Variants in ZFTA observed in about 807,000 individuals in gnomAD.
ZFTA encodes the protein zinc finger translocation associated.
In ZFTA, 35 loss-of-function variants were observed where a neutral mutation model predicts 41.8. That is an observed-to-expected ratio of 0.84 (90% CI 0.64 to 1.11). The LOEUF is 1.11. ZFTA is among the 50% of genes most tolerant of loss of function. ZFTA has a pLI of 0.00. For synonymous variants in ZFTA, 514 were observed against 436.4 expected (o/e 1.18, Z -2.22); for missense variants, 964 against 989.8 (o/e 0.97, Z 0.35).
In ZFTA at chr11:63,764,145, G is replaced by T; in HGVS notation, c.1478C>A (p.Pro493His). ...GGGGCCCTGGGGGGACTCGGGGCGG[G>T]GCGGCCCCAGGGCCAGCAGGTGGGC... Reference protein sequence around the residue: ...KAAHLLALGPPRPESPQGPIP... With the variant: ...KAAHLLALGPHRPESPQGPIP... The change falls in exon 4 of 5, where the codon CCC becomes CAC. Residue 493 changes from proline to histidine, a missense_variant. Coordinates refer to ENST00000433688, the MANE Select transcript of ZFTA (RefSeq NM_001144936.2). 7.4e-7 allele frequency: 1 copy of T among 1,353,010 alleles called. No individual in the cohort carries two copies. The highest frequency in any genetic ancestry group is 9.4e-7 in the Non-Finnish European group (1 of 1,059,034). The allele number at this position is 1,353,010 out of a possible 1,614,324, so 83.8% of individuals were successfully genotyped here. A position where few individuals can be genotyped will look rare whatever the true frequency, so the allele number is the denominator to read the frequency against.
At position 63,768,571 on chromosome 11, in the gene ZFTA, GGCCGCCCCT is replaced by G. The variant is rs896852310; in HGVS notation, c.43_51del (p.Arg15_Gly17del). On this transcript the variant is annotated inframe_deletion, in exon 1 of 5. Transcript: ENST00000433688. The stretch of plus-strand genomic sequence containing the variant: ...CGTGCCGAGGCCACTGCTGGCCCGG[GGCCGCCCCT>G]GCCGCCGCTGCTCCGGCTCCGGTGG... 1.4e-5 allele frequency: 15 copies of G among 1,066,682 alleles called. No individual in the cohort carries two copies. In the East Asian group the frequency reaches 4.7e-4, roughly 34 times the overall value. The allele number at this position is 1,066,682 out of a possible 1,614,324, so 66.1% of individuals were successfully genotyped here.
Position 63,764,222 on chromosome 11 carries a change from G to A in ZFTA, c.1401C>T (p.Arg467=). 2.8e-6 allele frequency: 4 copies of A among 1,430,278 alleles called. No individual in the cohort carries two copies. Among genetic ancestry groups the A allele is most frequent in the East Asian group, 3.0e-5 (1 of 33,666 alleles). The allele number at this position is 1,430,278 out of a possible 1,614,324, so 88.6% of individuals were successfully genotyped here. The change falls in exon 4 of 5, where the codon CGC becomes CGT. Residue 467 remains arginine (R), a synonymous_variant. Coordinates refer to ENST00000433688, the MANE Select transcript of ZFTA (RefSeq NM_001144936.2). ...TGAGGGCCTGGACAGGCCCGCCGAG[G>A]CGCGTGGAGCCCGGGTGGCGCCGGC... ...HIRRRHPGST[R]LGGPVQALIA...
chr11:63,763,379 C>A lies in ZFTA; in HGVS notation c.*39G>T, dbSNP rs1216219265. The A allele has an allele frequency of 7.4e-6, 9 of 1,217,448 alleles. No individual in the cohort carries two copies. The African/African-American group carries it at 8.2e-5, about 11-fold the overall frequency. 75.4% of individuals were successfully genotyped at this position (1,217,448 alleles called of 1,614,324 possible). A position where few individuals can be genotyped will look rare whatever the true frequency, so the allele number is the denominator to read the frequency against. On this transcript the variant is annotated 3_prime_UTR_variant, in exon 5 of 5. Transcript: ENST00000433688. ...GAGCACAGGGCGGGGCGGGGCCGAT[C>A]CGACCCGACCCGACCTGACCCGGGG...
At position 63,764,488 on chromosome 11, in the gene ZFTA, C is replaced by T. The variant is rs2014711919; in HGVS notation, c.1135G>A (p.Gly379Ser). 4.8e-6 allele frequency: 6 copies of T among 1,259,288 alleles called. No homozygotes were observed. Among genetic ancestry groups the T allele is most frequent in the African/African-American group, 1.5e-5 (1 of 64,526 alleles). 78.0% of individuals were successfully genotyped at this position (1,259,288 alleles called of 1,614,324 possible). ...GGCCCGGGCCTCTCAGGGACCCAGCCAGCCTCTTCCTTTACGTCTGGGGGG... is the reference window on the plus strand; with the variant it reads ...GGCCCGGGCCTCTCAGGGACCCAGCTAGCCTCTTCCTTTACGTCTGGGGGG... ...LSPPDVKEEA[G>S]WVPERPGPAE... Residue 379 changes from glycine (G) to serine (S), a missense_variant, in exon 4 of 5, where the codon GGC (glycine) becomes AGC (serine). This residue lies in a region of ZFTA where 584 missense variants were observed against 523.1 expected (regional missense o/e 1.12). Coordinates refer to ENST00000433688, the MANE Select transcript of ZFTA (RefSeq NM_001144936.2).
In ZFTA at chr11:63,764,274, T is replaced by A; in HGVS notation, c.1349A>T (p.Lys450Met). 6.8e-7 allele frequency: 1 copy of A among 1,461,448 alleles called. No homozygotes were observed. The highest frequency in any genetic ancestry group is 9.0e-7 in the Non-Finnish European group (1 of 1,114,276). The allele number at this position is 1,461,448 out of a possible 1,614,324, so 90.5% of individuals were successfully genotyped here. A position where few individuals can be genotyped will look rare whatever the true frequency, so the allele number is the denominator to read the frequency against. The change falls in exon 4 of 5, where the codon AAG (lysine) becomes ATG (methionine). Residue 450 changes from lysine (K) to methionine (M), a missense_variant. Lys to Met is a moderately conservative substitution (Grantham distance 95). This residue lies in a region of ZFTA where 584 missense variants were observed against 523.1 expected (regional missense o/e 1.12). Coordinates refer to ENST00000433688, the MANE Select transcript of ZFTA (RefSeq NM_001144936.2). ...GVCGGALASLKMSTIERHIRR... is the reference protein window; with the variant it reads ...GVCGGALASLMMSTIERHIRR... ...GATGTGGCGCTCGATGGTGCTCATCTTGAGCGAGGCCAGCGCGCCCCCGCA... is the reference window on the plus strand; with the variant it reads ...GATGTGGCGCTCGATGGTGCTCATCATGAGCGAGGCCAGCGCGCCCCCGCA...
Position 63,765,096 on chromosome 11 carries a change from T to C in ZFTA, c.796A>G (p.Asn266Asp), listed in dbSNP as rs1305533998. The C allele has an allele frequency of 2.6e-6, 4 of 1,548,728 alleles. No homozygotes were observed. Among genetic ancestry groups the C allele is most frequent in the South Asian group, 2.4e-5 (2 of 84,020 alleles). The change falls in exon 3 of 5, where the codon AAC becomes GAC. Residue 266 changes from asparagine to aspartate, a missense_variant. Asn to Asp is a conservative substitution (Grantham distance 23). Coordinates refer to ENST00000433688, the MANE Select transcript of ZFTA (RefSeq NM_001144936.2). This position sits in a 1 kb window ranked among gnomAD's most constrained non-coding sequence, Gnocchi z 4.0. Reference protein sequence around the residue: ...LERRLKESLQNWFRAECLMDY... With the variant: ...LERRLKESLQDWFRAECLMDY... The stretch of plus-strand genomic sequence containing the variant: ...ATGAGACACTCGGCCCGGAACCAGT[T>C]CTGCAGGGACTCCTTCAGCCTCCTC...
chr11:63,768,720 C>T lies in ZFTA; in HGVS notation c.-98G>A. On this transcript the variant is annotated 5_prime_UTR_variant, in exon 1 of 5. Transcript: ENST00000433688. ...GCGCTCGCTGCGCGGGGCCCCGGGG[C>T]GCGGGGCGCATGCACGGGGCGGCCG... 1 of 494,420 alleles carries T rather than the reference C, an allele frequency of 2.0e-6. No individual in the cohort carries two copies. The highest frequency in any genetic ancestry group is 2.6e-6 in the Non-Finnish European group (1 of 384,934). The allele number at this position is 494,420 out of a possible 1,614,324, so 30.6% of individuals were successfully genotyped here.
In ZFTA at chr11:63,763,542, G is replaced by A. The variant is rs1294090505; in HGVS notation, c.1913C>T (p.Thr638Ile). Residue 638 changes from threonine (T) to isoleucine (I), a missense_variant, in exon 5 of 5, where the codon ACT (threonine) becomes ATT (isoleucine). This residue lies in a region of ZFTA where 63 missense variants were observed against 97.8 expected (regional missense o/e 0.64). Transcript: ENST00000433688. Reference protein sequence around the residue: ...SMDFTPEERQTILEAYEEAAL... With the variant: ...SMDFTPEERQIILEAYEEAAL... ...CGCCTCCTCGTAGGCCTCCAGGATA[G>A]TCTGGCGCTCCTCAGGCGTGAAGTC... is the stretch of plus-strand genomic sequence containing the variant. 1.3e-6 allele frequency: 2 copies of A among 1,547,076 alleles called. No homozygotes were observed. Among genetic ancestry groups the A allele is most frequent in the Non-Finnish European group, 1.7e-6 (2 of 1,144,576 alleles).
chr11:63,766,351 G>A (rs1404585610), intron 1 of ZFTA, 47 bp from the exon 2 acceptor site: 6 of 1,409,776 alleles, frequency 4.3e-6, no homozygotes, highest in Middle Eastern at 1.8e-4. Context: ...TGATTTCCAG[G>A]GAAAGAGGCG....
At position 63,763,460 on chromosome 11, in the gene ZFTA, G is replaced by C. The variant is rs1282128650; in HGVS notation, c.1995C>G (p.Asp665Glu). 11 of 1,460,380 alleles carry C rather than the reference G, an allele frequency of 7.5e-6. No individual in the cohort carries two copies. The East Asian group carries it at 1.4e-4, about 19-fold the overall frequency. 90.5% of individuals were successfully genotyped at this position (1,460,380 alleles called of 1,614,324 possible). A position where few individuals can be genotyped will look rare whatever the true frequency, so the allele number is the denominator to read the frequency against. Residue 665 changes from aspartate to glutamate, a missense_variant, in exon 5 of 5, where the codon GAC (aspartate) becomes GAG (glutamate). By Grantham distance (45) the Asp-to-Glu change is conservative. Transcript: ENST00000433688. Reference protein sequence around the residue: ...GFGPPAPAPRDGGADLKSGAV... With the variant: ...GFGPPAPAPREGGADLKSGAV... ...CGCCAGACTTGAGGTCCGCGCCGCC[G>C]TCACGCGGCGCCGGGGCGGGCGGCC...
At position 63,764,129 on chromosome 11, in the gene ZFTA, G is replaced by T. The variant is rs2014703203; in HGVS notation, c.1494C>A (p.Pro498=). ...CAGTGCCGGGGGGGATGGGGCCCTG[G>T]GGGGACTCGGGGCGGGGCGGCCCCA... ...LALGPPRPES[P]QGPIPPGTAA... Residue 498 remains proline, a synonymous_variant, in exon 4 of 5, where the codon CCC becomes CCA. Coordinates refer to ENST00000433688, the MANE Select transcript of ZFTA (RefSeq NM_001144936.2). 6 of 1,345,736 alleles carry T rather than the reference G, an allele frequency of 4.5e-6. No individual in the cohort carries two copies. The East Asian group carries it at 9.2e-5, about 21-fold the overall frequency. The allele number at this position is 1,345,736 out of a possible 1,614,324, so 83.4% of individuals were successfully genotyped here. A position where few individuals can be genotyped will look rare whatever the true frequency, so the allele number is the denominator to read the frequency against.
chr11:63,767,355 A>G (rs968977213), intron 1 of ZFTA: 12 of 152,202 alleles, frequency 7.9e-5, no homozygotes, highest in Non-Finnish European at 1.8e-4. Context: ...TTTTTGTTTT[A>G]GTTTTTATTT....
rs759758479 is a variant in ZFTA at position 63,766,414 on chromosome 11, G to C, written c.140-110C>G. 4.8e-6 allele frequency: 6 copies of C among 1,243,562 alleles called. No individual in the cohort carries two copies. In the East Asian group the frequency reaches 1.4e-4, roughly 29 times the overall value. 77.0% of individuals were successfully genotyped at this position (1,243,562 alleles called of 1,614,324 possible). ...GGGAGCTGGGGGAGGGGGTGTTCCG[G>C]GGCAGGAAAGGGACGGCAACAGCAA... On this transcript the variant is annotated intron_variant, in intron 1 of 4. Coordinates refer to ENST00000433688, the MANE Select transcript of ZFTA (RefSeq NM_001144936.2).
Position 63,763,626 on chromosome 11 carries a change from G to A in ZFTA, c.1829C>T (p.Ala610Val). The A allele has an allele frequency of 1.3e-6, 2 of 1,548,444 alleles. No individual in the cohort carries two copies. Among genetic ancestry groups the A allele is most frequent in the Non-Finnish European group, 8.7e-7 (1 of 1,145,520 alleles). The change falls in exon 5 of 5, where the codon GCC becomes GTC. Residue 610 changes from alanine to valine, a missense_variant. By Grantham distance (64) the Ala-to-Val change is moderately conservative. This residue lies in a region of ZFTA where 63 missense variants were observed against 97.8 expected (regional missense o/e 0.64). Coordinates refer to ENST00000433688, the MANE Select transcript of ZFTA (RefSeq NM_001144936.2). ...LVCMVCGGAL[A>V]TLKVSTIKRH... ...CTTGATGGTGCTCACCTTGAGCGTG[G>A]CCAGCGCGCCCCCGCACACCATACA...
rs1340904599 is a variant in ZFTA at position 63,761,756 on chromosome 11, G to A, written c.*1662C>T. On this transcript the variant is annotated 3_prime_UTR_variant, in exon 5 of 5. Coordinates refer to ENST00000433688, the MANE Select transcript of ZFTA (RefSeq NM_001144936.2). ...ATTATATAAAAATGCTATAAAATCC[G>A]TGGTATAAAATCCAACTCCCAAACA... The A allele has an allele frequency of 2.0e-5, 3 of 152,222 alleles. No individual in the cohort carries two copies. Among genetic ancestry groups the A allele is most frequent in the Non-Finnish European group, 2.9e-5 (2 of 68,074 alleles). 9.4% of individuals were successfully genotyped at this position (152,222 alleles called of 1,614,324 possible). A position where few individuals can be genotyped will look rare whatever the true frequency, so the allele number is the denominator to read the frequency against.
intron 1 of ZFTA, among the ~76,000 whole-genome samples, chr11:63,766,576 C>T (rs1029447924): frequency 6.6e-6 from 1 of 152,176 alleles, no homozygotes; most frequent in Non-Finnish European, 1.5e-5. Flanking sequence ...AAGGTGAGGG[C>T]CAAGGAGCCA....
In ZFTA at chr11:63,768,646, C is replaced by CCGGGGCGG. The variant is rs1006385042; in HGVS notation, c.-32_-25dup. 5.1e-6 allele frequency: 5 copies of CCGGGGCGG among 977,860 alleles called. No homozygotes were observed. The highest frequency in any genetic ancestry group is 6.0e-6 in the Non-Finnish European group (5 of 826,886). 60.6% of individuals were successfully genotyped at this position (977,860 alleles called of 1,614,324 possible). On this transcript the variant is annotated 5_prime_UTR_variant, in exon 1 of 5. Coordinates refer to ENST00000433688, the MANE Select transcript of ZFTA (RefSeq NM_001144936.2). ...ATGCGCTGCGCTGCGGAGCGGGGCC[C>CCGGGGCGG]CGGGGCGGCGGGGCGCGGGGCCGCG...
Position 63,764,913 on chromosome 11 carries a change from C to G in ZFTA, c.979G>C (p.Gly327Arg). 1 of 1,538,588 alleles carries G rather than the reference C, an allele frequency of 6.5e-7. No individual in the cohort carries two copies. The highest frequency in any genetic ancestry group is 8.7e-7 in the Non-Finnish European group (1 of 1,142,952). Residue 327 changes from glycine to arginine, a missense_variant, in exon 3 of 5, where the codon GGG becomes CGG. By Grantham distance (125) the Gly-to-Arg change is moderately radical (BLOSUM62 -2). Transcript: ENST00000433688. ...PQRSALLQAW[G>R]GQPEALSELT... ...TCAGACAGCGCCTCGGGCTGGCCCCCCCAGGCCTGCAGCAGGGCACTGCGC... is the reference window on the plus strand; with the variant it reads ...TCAGACAGCGCCTCGGGCTGGCCCCGCCAGGCCTGCAGCAGGGCACTGCGC...
rs2014643175 is a variant in ZFTA at position 63,761,820 on chromosome 11, T to TGGCC, written c.*1597_*1598insGGCC. 1 of 152,306 alleles carries TGGCC rather than the reference T, an allele frequency of 6.6e-6. No individual in the cohort carries two copies. The highest frequency in any genetic ancestry group is 6.5e-5 in the Admixed American group (1 of 15,282). The allele number at this position is 152,306 out of a possible 1,614,324, so 9.4% of individuals were successfully genotyped here. A position where few individuals can be genotyped will look rare whatever the true frequency, so the allele number is the denominator to read the frequency against. On this transcript the variant is annotated 3_prime_UTR_variant, in exon 5 of 5. Transcript: ENST00000433688. ...GGACTGGGCCTGAGGCACTTGAACCTTAGGCTCTGGCCTGGGGGTCAGGGA... is the reference window on the plus strand; with the variant it reads ...GGACTGGGCCTGAGGCACTTGAACCTGGCCTAGGCTCTGGCCTGGGGGTCAGGGA...
Sources: gnomAD v4.1 joint callset for allele counts (sites outside exome capture counted in the v4.1 genomes callset) on GRCh38, gnomAD v4.1.1 for gene constraint, gnomAD v4.1.1 regional missense constraint, Gnocchi (gnomAD v3.1) non-coding constraint, MANE v1.5 for transcripts, NCBI Gene and HGNC (gene_info 2026-07-23, HGNC 2026-07-21) for gene names.